LPA: variants seen among roughly 807,000 people sequenced by gnomAD.
The protein encoded by LPA is apolipoprotein(a).
In LPA, 199 loss-of-function variants were observed where a neutral mutation model predicts 197.9. The ratio of observed to expected loss-of-function variants is 1.01; its 90% CI spans 0.90 to 1.13. LPA has a LOEUF of 1.13. Among genes scored for constraint, LPA ranks in the 50% most tolerant of loss-of-function variants. The probability of loss-of-function intolerance (pLI) is 0.00; values close to 1 mark genes in which losing one functional copy is unlikely to be tolerated. For missense variants in LPA, 1,853 were observed against 1,785.8 expected (o/e 1.04, Z -0.68); for synonymous variants, 715 against 639.5 (o/e 1.12, Z -1.78).
chr6:160,535,507 T>A (rs111210749), intron 37 of LPA, among the ~76,000 whole-genome samples: 3 of 546 alleles, frequency 5.5e-3, no homozygotes, highest in Admixed American at 0.033. Context: ...AGTGATGATA[T>A]TGGTGATGGT....
intron 17 of LPA, among the ~76,000 whole-genome samples, 164 bp downstream of exon 17, chr6:160,606,313 C>T (rs62441702): frequency 1.3e-5 from 2 of 152,164 alleles, no homozygotes; most frequent in Non-Finnish European, 2.9e-5. Flanking sequence ...GAAATCAATC[C>T]GCTGGCTCCC....
intron 16 of LPA, among the ~76,000 whole-genome samples, chr6:160,608,545 C>T (rs1779409872): frequency 6.6e-6 from 1 of 152,094 alleles, no homozygotes; most frequent in African/African-American, 2.4e-5. Context: ...TGTCTTCTTA[C>T]CGTGAAAATG....
intron 22 of LPA, among the ~76,000 whole-genome samples, chr6:160,591,934 C>A (rs1779037445): frequency 1.3e-5 from 2 of 152,134 alleles, no homozygotes; most frequent in South Asian, 4.1e-4. Flanking sequence ...CATAGGAACC[C>A]CCTTTTTTTC....
rs750270659 is a variant in LPA at position 160,611,605 on chromosome 6, T to A, written c.2560A>T (p.Thr854Ser). The change falls in exon 16 of 39, where the codon ACA (threonine) becomes TCA (serine). Residue 854 changes from threonine (T) to serine (S), a missense_variant. By Grantham distance (58) the Thr-to-Ser change is moderately conservative (BLOSUM62 1). Around this residue, in one of 3 missense-constraint regions of LPA, gnomAD observed 1,737 missense variants for 1,504.4 expected, o/e 1.15. Coordinates refer to ENST00000316300, the MANE Select transcript of LPA (RefSeq NM_005577.4). ...GRTCQAWSSM[T>S]PHSHSRTPEY... ...GGGGTCCGACTATGCGAGTGTGGTGTCATAGATGACCAAGCTTGGCAGGTT... is the reference window on the plus strand; with the variant it reads ...GGGGTCCGACTATGCGAGTGTGGTGACATAGATGACCAAGCTTGGCAGGTT... The A allele has an allele frequency of 1.2e-6, 2 of 1,601,224 alleles. No homozygotes were observed. Among genetic ancestry groups the A allele is most frequent in the Non-Finnish European group, 1.7e-6 (2 of 1,177,690 alleles).
intron 16 of LPA, among the ~76,000 whole-genome samples, chr6:160,610,039 T>A (rs1188603745): frequency 6.6e-6 from 1 of 152,154 alleles, no homozygotes; most frequent in Non-Finnish European, 1.5e-5. Flanking sequence ...TGCACTTTTT[T>A]TAAATATCTG....
At chr6:160,577,427 G>T in intron 27 of LPA, 132 bp from the exon 28 acceptor site, 1 of 743,938 alleles carries the variant, frequency 1.3e-6, no homozygotes, top group Non-Finnish European at 2.3e-6. Context: ...GTAGCAAAAG[G>T]ATGTGAAAAG....
chr6:160,559,495 G>C (rs1384250956), intron 28 of LPA, among the ~76,000 whole-genome samples: 1 of 152,082 alleles, frequency 6.6e-6, no homozygotes, highest in Non-Finnish European at 1.5e-5. Context: ...ACTCTTTGTG[G>C]ACTTACTTTT....
rs751147524 is a variant in LPA at position 160,611,708 on chromosome 6, C to T, written c.2457G>A (p.Gln819=). ...GGTAGCACTCCTGCACCCCAGGCCT[C>T]TGCTCAGTCGGTGCTGAAATGAAAA... ...EAPSEQAPTE[Q]RPGVQECYHG... The change falls in exon 16 of 39, where the codon CAG becomes CAA. Residue 819 remains glutamine (Q), a synonymous_variant. Transcript: ENST00000316300. 73 of 1,523,762 alleles carry T rather than the reference C, an allele frequency of 4.8e-5. No homozygotes were observed. The highest frequency in any genetic ancestry group is 5.6e-5 in the Non-Finnish European group (63 of 1,119,164). 94.4% of individuals were successfully genotyped at this position (1,523,762 alleles called of 1,614,324 possible).
At chr6:160,587,535 TG>T (rs1453443752) in intron 24 of LPA, among the ~76,000 whole-genome samples, 3 of 152,184 alleles carry the variant, frequency 2.0e-5, no homozygotes, top group Non-Finnish European at 4.4e-5. Context: ...CATAGAGTTT[TG>T]CTCTTTAAAA....
chr6:160,655,732 A>C (rs1286037243), intron 1 of LPA, among the ~76,000 whole-genome samples: 1 of 152,242 alleles, frequency 6.6e-6, no homozygotes, highest in Non-Finnish European at 1.5e-5. Flanking sequence ...TCTGGCATAC[A>C]AATGTCTCAC....
Position 160,601,031 on chromosome 6 carries a change from G to A in LPA, c.3013C>T (p.Pro1005Ser). 7 of 1,614,096 alleles carry A rather than the reference G, an allele frequency of 4.3e-6. No individual in the cohort carries two copies. In the South Asian group the frequency reaches 4.4e-5, roughly 10 times the overall value. Residue 1005 changes from proline to serine, a missense_variant, in exon 19 of 39, where the codon CCC (proline) becomes TCC (serine). Around this residue, in one of 3 missense-constraint regions of LPA, gnomAD observed 1,737 missense variants for 1,504.4 expected, o/e 1.15. Coordinates refer to ENST00000316300, the MANE Select transcript of LPA (RefSeq NM_005577.4). The part of the protein sequence containing the change: ...VAAPWCYTTD[P>S]SVRWEYCNLT... Reference sequence around the variant, plus strand: ...TTGCAGTACTCCCACCTGACACTGGGATCTGTTGTATAACACCAAGGGGCT... The same window carrying A: ...TTGCAGTACTCCCACCTGACACTGGAATCTGTTGTATAACACCAAGGGGCT...
intron 28 of LPA, among the ~76,000 whole-genome samples, chr6:160,575,190 CT>C (rs575853574): frequency 2.0e-5 from 3 of 151,966 alleles, no homozygotes; most frequent in South Asian, 4.2e-4. Context: ...AATCTGTGAG[CT>C]TTTTTTTCTT....
At chr6:160,573,806 G>A (rs190581679) in intron 28 of LPA, among the ~76,000 whole-genome samples, 61 of 152,316 alleles carry the variant, frequency 4.0e-4, no homozygotes, top group African/African-American at 1.4e-3. Flanking sequence ...GTGGATACCA[G>A]TGCCTGTTCT....
intron 28 of LPA, among the ~76,000 whole-genome samples, chr6:160,574,406 A>G (rs1778617848): frequency 6.6e-6 from 1 of 151,964 alleles, no homozygotes; most frequent in Non-Finnish European, 1.5e-5. Flanking sequence ...CCCTCCCCCA[A>G]GTTCTGGCCA....
At chr6:160,583,453 T>C (rs1300243517) in intron 26 of LPA, among the ~76,000 whole-genome samples, 3 of 151,556 alleles carry the variant, frequency 2.0e-5, no homozygotes, top group Non-Finnish European at 1.5e-5. Context: ...TGAAGTATGG[T>C]TTTTTGGGGT....
At position 160,606,514 on chromosome 6, in the gene LPA, A is replaced by G; in HGVS notation, c.2748T>C (p.Ile916=). 6.2e-7 allele frequency: 1 copy of G among 1,613,554 alleles called. No homozygotes were observed. Among genetic ancestry groups the G allele is most frequent in the Middle Eastern group, 1.7e-4 (1 of 5,738 alleles). Residue 916 remains isoleucine, a synonymous_variant, in exon 17 of 39, where the codon ATT becomes ATC. Transcript: ENST00000316300. ...AEGTAVAPPT[I]TPIPSLEAPS... ...GAGCCTCTAGGCTTGGAATCGGGGT[A>G]ATAGTTGGAGGCGCGACGGCAGTCC...
chr6:160,577,549 G>A (rs1380671197), intron 27 of LPA, among the ~76,000 whole-genome samples: 1 of 152,160 alleles, frequency 6.6e-6, no homozygotes, highest in Non-Finnish European at 1.5e-5. Context: ...TTACATTCAT[G>A]TGCAGCTCCA....
intron 32 of LPA, among the ~76,000 whole-genome samples, chr6:160,546,744 T>A (rs1047237943): frequency 6.6e-6 from 1 of 152,078 alleles, no homozygotes; most frequent in Non-Finnish European, 1.5e-5. Flanking sequence ...GCTTGGGGTG[T>A]GAGGAGAAAT....
intron 37 of LPA, among the ~76,000 whole-genome samples, chr6:160,537,051 C>G (rs1777905581): frequency 1.3e-5 from 2 of 152,130 alleles, no homozygotes; most frequent in Non-Finnish European, 2.9e-5. Context: ...AACAGTTTTC[C>G]AGGGCCCCAG....
Sources: gnomAD v4.1 joint callset for allele counts (sites outside exome capture counted in the v4.1 genomes callset) on GRCh38, gnomAD v4.1.1 for gene constraint, gnomAD v4.1.1 regional missense constraint, MANE v1.5 for transcripts, NCBI Gene and HGNC (gene_info 2026-07-23, HGNC 2026-07-21) for gene names.